RHOBTB3: variants seen among roughly 807,000 people sequenced by gnomAD.
RHOBTB3 encodes rho-related BTB domain-containing protein 3.
RHOBTB3 carries 47 observed loss-of-function variants against 67.2 expected under a neutral mutation model. The observed-to-expected ratio is 0.70, with a 90% CI of 0.55 to 0.89. The LOEUF (loss-of-function observed/expected upper bound fraction) is 0.89. Among genes scored for constraint, RHOBTB3 ranks in the 40% least tolerant of loss-of-function variants. The pLI is 0.00. For synonymous variants in RHOBTB3, 273 were observed against 274.2 expected (o/e 1.00, Z 0.04); for missense variants, 631 against 750.0 (o/e 0.84, Z 1.85).
rs60195463 is a variant in RHOBTB3, at chr5:95,758,423, G to A, written c.1048+2662G>A. ...TGCTGCTTTCCAGGGATCACAGGCC[G>A]TTTCCCATGGCTGGAGCGTAGAGTG... On this transcript the variant is annotated intron_variant, in intron 6 of 11. Transcript: ENST00000379982. Among the ~76,000 whole-genome samples, 775 of 152,308 alleles carry A rather than the reference G, an allele frequency of 5.1e-3. 1 individual carries two copies. Among genetic ancestry groups the A allele is most frequent in the African/African-American group, 0.018 (748 of 41,554 alleles).
intron 7 of RHOBTB3, among the ~76,000 whole-genome samples, chr5:95,767,212 A>G (rs147216434): frequency 1.6e-4 from 25 of 152,308 alleles, no homozygotes; most frequent in South Asian, 2.1e-4. Flanking sequence ...CTCCATCTCA[A>G]AAAAGATGGA....
At chr5:95,792,561 G>A (rs976614683) in intron 11 of RHOBTB3, among the ~76,000 whole-genome samples, 12 of 152,122 alleles carry the variant, frequency 7.9e-5, no homozygotes, top group Admixed American at 7.2e-4. Flanking sequence ...GGGAGTCCAA[G>A]GCAGGCAGAT....
intron 3 of RHOBTB3, among the ~76,000 whole-genome samples, chr5:95,745,554 G>T (rs1744871015): frequency 6.6e-6 from 1 of 152,024 alleles, no homozygotes; most frequent in Non-Finnish European, 1.5e-5. Context: ...CCAAGCAGTG[G>T]CAATGTTGTA....
rs61749615 is a variant in RHOBTB3, at chr5:95,732,002, C to T, written c.146C>T (p.Thr49Met). 2.5e-6 allele frequency: 4 copies of T among 1,614,056 alleles called. No homozygotes were observed. Among genetic ancestry groups the T allele is most frequent in the Non-Finnish European group, 1.7e-6 (2 of 1,180,044 alleles). ...AGCTTGTTGCTGAACGCGGCCAGCA[C>T]GGTCGCGCGTCCGGTGTTCACCGAG... ...ESSLLLNAAS[T>M]VARPVFTEYQ... Residue 49 changes from threonine to methionine, a missense_variant, in exon 2 of 12, where the codon ACG becomes ATG. Thr to Met is a moderately conservative substitution (Grantham distance 81, BLOSUM62 -1). Coordinates refer to ENST00000379982, the MANE Select transcript of RHOBTB3 (RefSeq NM_014899.4).
At position 95,731,878 on chromosome 5, in the gene RHOBTB3, C is replaced by A. The variant is rs1755277079; in HGVS notation, c.22C>A (p.Leu8Met). The A allele has an allele frequency of 2.5e-6, 4 of 1,613,016 alleles. No individual in the cohort carries two copies. The highest frequency in any genetic ancestry group is 1.3e-5 in the African/African-American group (1 of 74,936). The change falls in exon 2 of 12, where the codon CTG becomes ATG. Residue 8 changes from leucine to methionine, a missense_variant. Coordinates refer to ENST00000379982, the MANE Select transcript of RHOBTB3 (RefSeq NM_014899.4). MSIHIVA[L>M]GNEGDTFHQD... ...GTGCAGGTCCATCCACATCGTGGCG[C>A]TGGGGAACGAGGGGGACACATTCCA...
Position 95,772,026 on chromosome 5 carries a change from G to A in RHOBTB3, c.1282+3860G>A, listed in dbSNP as rs1035763470. The stretch of plus-strand genomic sequence containing the variant: ...ATTCTGAAAGAAGGAGAATGATGCC[G>A]CTGGAGATGGCTGAATGCTGTCTTC... On this transcript the variant is annotated intron_variant, in intron 8 of 11. Coordinates refer to ENST00000379982, the MANE Select transcript of RHOBTB3 (RefSeq NM_014899.4). 1.2e-4 allele frequency among the ~76,000 whole-genome samples: 18 copies of A among 152,240 alleles called. No individual in the cohort carries two copies. In the South Asian group the frequency reaches 2.1e-3, roughly 18 times the overall value.
intron 10 of RHOBTB3, among the ~76,000 whole-genome samples, chr5:95,785,854 C>T (rs999774802): frequency 2.6e-5 from 4 of 152,064 alleles, no homozygotes; most frequent in African/African-American, 4.8e-5. Flanking sequence ...GAGAACTTCC[C>T]GTGTGGTCAC....
chr5:95,768,883 G>A (rs934399245), intron 8 of RHOBTB3: 1 of 159,936 alleles, frequency 6.3e-6, no homozygotes, highest in Non-Finnish European at 1.4e-5. Context: ...GGTGCCACCA[G>A]GTGGGGGAGA....
chr5:95,736,607 A>G (rs1264466251), intron 2 of RHOBTB3, among the ~76,000 whole-genome samples: 1 of 152,194 alleles, frequency 6.6e-6, no homozygotes, highest in Non-Finnish European at 1.5e-5. Context: ...TTTTAAAACA[A>G]AGGGCTTATT....
At chr5:95,720,730 A>G (rs1269247103) in intron 1 of RHOBTB3, among the ~76,000 whole-genome samples, 1 of 151,922 alleles carries the variant, frequency 6.6e-6, no homozygotes, top group African/African-American at 2.4e-5. Flanking sequence ...CTTTTTGTTC[A>G]TAGATAGACT....
intron 8 of RHOBTB3, chr5:95,770,066 G>A (rs1217941209): frequency 6.1e-6 from 2 of 329,020 alleles, no homozygotes; most frequent in Non-Finnish European, 1.2e-5. Flanking sequence ...TGGGACCAAA[G>A]GTGATGCTAT....
intron 4 of RHOBTB3, among the ~76,000 whole-genome samples, chr5:95,750,556 T>A (rs1015580429): frequency 5.3e-5 from 8 of 152,224 alleles, no homozygotes; most frequent in African/African-American, 1.9e-4. Flanking sequence ...TTACAGAACA[T>A]TTCCATCAAC....
rs747053110 is a variant in RHOBTB3, at chr5:95,793,104, T to G, written c.1766T>G (p.Met589Arg). The stretch of plus-strand genomic sequence containing the variant: ...GAAAAGCACAGATGGCCGTCGAATA[T>G]GTACTTGAAGCAGCTTGCGGAATAC... ...FVEKHRWPSN[M>R]YLKQLAEYRK... The change falls in exon 12 of 12, where the codon ATG becomes AGG. Residue 589 changes from methionine (M) to arginine (R), a missense_variant. Coordinates refer to ENST00000379982, the MANE Select transcript of RHOBTB3 (RefSeq NM_014899.4). The G allele has an allele frequency of 1.3e-5, 21 of 1,613,708 alleles. No homozygotes were observed. The highest frequency in any genetic ancestry group is 1.7e-5 in the Non-Finnish European group (20 of 1,179,858).
chr5:95,791,583 G>A (rs570062424), intron 11 of RHOBTB3, among the ~76,000 whole-genome samples: 11 of 152,258 alleles, frequency 7.2e-5, no homozygotes, highest in African/African-American at 2.6e-4. Flanking sequence ...TCAAGACCCT[G>A]TTAATCTGAC....
chr5:95,770,695 G>A (rs1301050672), intron 8 of RHOBTB3: 3 of 475,164 alleles, frequency 6.3e-6, no homozygotes, highest in South Asian at 1.6e-5. Context: ...GATGGGAGGT[G>A]GCATTTCTGA....
At chr5:95,781,643 A>C (rs1243473757) in intron 9 of RHOBTB3, 1 of 152,302 alleles carries the variant, frequency 6.6e-6, no homozygotes, top group Non-Finnish European at 1.5e-5. Context: ...ACCTGAAGTC[A>C]GTTCAAAAAC....
intron 3 of RHOBTB3, among the ~76,000 whole-genome samples, chr5:95,746,580 G>C (rs1744919761): frequency 6.6e-6 from 1 of 152,304 alleles, no homozygotes; most frequent in South Asian, 2.1e-4. Context: ...GCATAATTTA[G>C]AGAACTCAAG....
chr5:95,723,764 C>T (rs1163481066), intron 1 of RHOBTB3, among the ~76,000 whole-genome samples: 2 of 152,162 alleles, frequency 1.3e-5, no homozygotes, highest in Non-Finnish European at 2.9e-5. Flanking sequence ...TAGCCAGCCC[C>T]AGTGCTGTGT....
At chr5:95,745,261 G>T (rs972397698) in intron 3 of RHOBTB3, among the ~76,000 whole-genome samples, 8 of 111,234 alleles carry the variant, frequency 7.2e-5, no homozygotes, top group African/African-American at 2.7e-4. Context: ...AAGTTAAAAA[G>T]AATTCAGCCA....
Sources: allele counts gnomAD v4.1 joint callset (sites outside exome capture counted in the v4.1 genomes callset), GRCh38; gene constraint gnomAD v4.1.1; transcripts MANE v1.5; gene names NCBI Gene and HGNC (gene_info 2026-07-23, HGNC 2026-07-21).